PFKFB1: variants seen among roughly 807,000 people sequenced by gnomAD.
PFKFB1 encodes the protein 6-phosphofructo-2-kinase/fructose-2,6-bisphosphatase 1.
A neutral mutation model predicts 46.4 loss-of-function variants in PFKFB1; 34 were observed. The ratio of observed to expected loss-of-function variants is 0.73; its 90% CI spans 0.56 to 0.98. PFKFB1 has a LOEUF of 0.98. Ranked by LOEUF, PFKFB1 falls within the 50% of genes least tolerant of loss-of-function variation. The pLI is 0.00. For synonymous variants in PFKFB1, 119 were observed against 133.8 expected, an observed-to-expected ratio of 0.89 and a Z score of 0.76; for missense variants, 393 against 376.3, an observed-to-expected ratio of 1.04 and a Z score of -0.37.
At chrX:54,967,270 TA>T (rs2146646907) in intron 1 of PFKFB1, among the ~76,000 whole-genome samples, 1 of 112,096 alleles carries the variant, frequency 8.9e-6, no homozygotes, top group African/African-American at 3.2e-5. Flanking sequence ...GAGATTACAT[TA>T]AATTATCTTA....
chrX:54,952,545 T>G (rs1265409287), intron 7 of PFKFB1, among the ~76,000 whole-genome samples: 1 of 105,836 alleles, frequency 9.4e-6, no homozygotes, highest in Non-Finnish European at 1.9e-5. Context: ...AGCTCTTCAC[T>G]CCTCTTTTTT....
rs908947947 is a variant in PFKFB1 at position 54,933,274 on chromosome X, C to T, written c.*129G>A. Reference sequence around the variant, plus strand: ...GCAAGCGAGGCTTGTTTGGGAGTTGCGGAGGACTTCTTCACTGGAAGTGGG... The same window carrying T: ...GCAAGCGAGGCTTGTTTGGGAGTTGTGGAGGACTTCTTCACTGGAAGTGGG... On this transcript the variant is annotated 3_prime_UTR_variant, in exon 14 of 14. Transcript: ENST00000375006. The T allele has an allele frequency of 8.1e-5, 43 of 527,720 alleles. No homozygotes were observed. The highest frequency in any genetic ancestry group is 3.4e-4 in the Middle Eastern group (1 of 2,945). 43.5% of individuals were successfully genotyped at this position (527,720 alleles called of 1,213,427 possible).
chrX:54,966,800 G>C (rs1934491479), intron 1 of PFKFB1, among the ~76,000 whole-genome samples: 2 of 111,840 alleles, frequency 1.8e-5, no homozygotes, highest in African/African-American at 6.5e-5. Flanking sequence ...ACAGTGGGTA[G>C]TTTTTGAAGA....
At chrX:54,947,469 T>C (rs956404981) in intron 9 of PFKFB1, among the ~76,000 whole-genome samples, 3 of 112,181 alleles carry the variant, frequency 2.7e-5, no homozygotes, top group African/African-American at 9.7e-5. Context: ...ACCAAACTTA[T>C]GATGAAGAAA....
chrX:54,952,029 A>G lies in PFKFB1; in HGVS notation c.722T>C (p.Val241Ala). The G allele has an allele frequency of 8.3e-7, 1 of 1,210,786 alleles. No individual in the cohort carries two copies. The highest frequency in any genetic ancestry group is 1.1e-6 in the Non-Finnish European group (1 of 894,664). Reference sequence around the variant, plus strand: ...GACATGGATATTCATGAGGTAGTAGACTGTGCGGCTCTGGATGTGATCCTG... The same window carrying G: ...GACATGGATATTCATGAGGTAGTAGGCTGTGCGGCTCTGGATGTGATCCTG... Reference protein sequence around the residue: ...RVQDHIQSRTVYYLMNIHVTP... With the variant: ...RVQDHIQSRTAYYLMNIHVTP... Residue 241 changes from valine (V) to alanine (A), a missense_variant, in exon 8 of 14, where the codon GTC (valine) becomes GCC (alanine). Val to Ala is a moderately conservative substitution (Grantham distance 64). Transcript: ENST00000375006.
upstream of PFKFB1, among the ~76,000 whole-genome samples, chrX:54,996,779 T>G (rs35388295): frequency 6.6e-4 from 74 of 111,857 alleles, no homozygotes; most frequent in East Asian, 5.4e-3. Flanking sequence ...TGTATTTTCC[T>G]GTTTTTTGGC....
chrX:54,987,811 A>T (rs1007292697), intron 1 of PFKFB1, among the ~76,000 whole-genome samples: 3 of 110,900 alleles, frequency 2.7e-5, no homozygotes, highest in Admixed American at 9.6e-5. Flanking sequence ...ACAAATTAAA[A>T]CTAGAAGGAA....
intron 1 of PFKFB1, among the ~76,000 whole-genome samples, chrX:54,963,952 A>C (rs773905364): frequency 9.0e-6 from 1 of 111,682 alleles, no homozygotes; most frequent in African/African-American, 3.3e-5. Context: ...GGCAACAAAA[A>C]CCAGCTTGAA....
chrX:54,945,669 G>T, intron 9 of PFKFB1, 126 bp from the exon 10 acceptor site: 1 of 478,033 alleles, frequency 2.1e-6, no homozygotes, highest in Non-Finnish European at 3.6e-6. Context: ...ACACAGCTCT[G>T]GGTTTGTGCC....
At chrX:54,978,969 T>C (rs1312627838) in intron 1 of PFKFB1, among the ~76,000 whole-genome samples, 3 of 111,661 alleles carry the variant, frequency 2.7e-5, no homozygotes, top group Non-Finnish European at 5.7e-5. Flanking sequence ...GTATGCTGGA[T>C]TGGATCCTGG....
intron 1 of PFKFB1, among the ~76,000 whole-genome samples, chrX:54,978,216 G>A (rs1374859456): frequency 1.8e-5 from 2 of 111,313 alleles, no homozygotes; most frequent in Non-Finnish European, 3.8e-5. Context: ...AATGGGCAAA[G>A]CTGGGACAAG....
chrX:54,979,963 A>G (rs759495685), intron 1 of PFKFB1, among the ~76,000 whole-genome samples: 1 of 111,663 alleles, frequency 9.0e-6, no homozygotes, highest in East Asian at 2.9e-4. Flanking sequence ...CAAGAAGTTG[A>G]GGATGATCTC....
At chrX:54,945,570 G>A in intron 9 of PFKFB1, 27 bp from the exon 10 acceptor site, 4 of 925,062 alleles carry the variant, frequency 4.3e-6, no homozygotes, top group East Asian at 3.1e-5. Flanking sequence ...GGGGGCGAAA[G>A]TATTCACAAG....
intron 1 of PFKFB1, among the ~76,000 whole-genome samples, chrX:54,972,313 A>G (rs1196197700): frequency 1.8e-5 from 2 of 108,862 alleles, no homozygotes; most frequent in Non-Finnish European, 3.8e-5. Context: ...CTCTTTTCCT[A>G]ATTGAATACC....
intron 1 of PFKFB1, among the ~76,000 whole-genome samples, chrX:54,982,621 G>A (rs1935023120): frequency 8.9e-6 from 1 of 111,815 alleles, no homozygotes; most frequent in African/African-American, 3.2e-5. Flanking sequence ...GAGGATATGT[G>A]TAAGTTATAT....
chrX:54,976,086 T>C (rs1934831309), intron 1 of PFKFB1, among the ~76,000 whole-genome samples: 1 of 111,505 alleles, frequency 9.0e-6, no homozygotes, highest in African/African-American at 3.2e-5. Context: ...AAAAAATAGA[T>C]AAATTGAACT....
In PFKFB1 at chrX:54,973,138, G is replaced by A. The variant is rs991915843; in HGVS notation, c.98-9756C>T. On this transcript the variant is annotated intron_variant, in intron 1 of 13. Transcript: ENST00000375006. ...CTAGTTTATTTGCATAGAGGTGTTC[G>A]TAGTATTCTCTGACGGTAGTTTGTA... Among the ~76,000 whole-genome samples the A allele has an allele frequency of 7.2e-4, 80 of 111,570 alleles. 1 individual carries two copies. The highest frequency in any genetic ancestry group is 8.3e-4 in the Non-Finnish European group (44 of 53,058).
chrX:54,958,064 G>A (rs1227268225), intron 6 of PFKFB1, among the ~76,000 whole-genome samples: 1 of 111,675 alleles, frequency 9.0e-6, no homozygotes, highest in Non-Finnish European at 1.9e-5. Flanking sequence ...GAAAATTAAT[G>A]ACAGTCAAGT....
chrX:54,952,256 G>T, intron 7 of PFKFB1, 144 bp from the exon 8 acceptor site: 1 of 476,462 alleles, frequency 2.1e-6, no homozygotes, highest in Non-Finnish European at 3.6e-6. Context: ...GCCTTGCCCT[G>T]TACCGAGTAC....
Sources: allele counts gnomAD v4.1 joint callset (sites outside exome capture counted in the v4.1 genomes callset), GRCh38; gene constraint gnomAD v4.1.1; transcripts MANE v1.5; gene names NCBI Gene and HGNC (gene_info 2026-07-23, HGNC 2026-07-21).